The following ANO3 variants were observed in gnomAD, a reference collection of about 807,000 sequenced individuals.
ANO3 encodes anoctamin-3.
In ANO3, 99 loss-of-function variants were observed where a neutral mutation model predicts 144.8. The ratio of observed to expected loss-of-function variants is 0.68; its 90% CI spans 0.58 to 0.81. The LOEUF (loss-of-function observed/expected upper bound fraction) is 0.81. Among genes scored for constraint, ANO3 ranks in the 30% least tolerant of loss-of-function variants. The pLI, the probability that ANO3 is intolerant of heterozygous loss-of-function variation, is 0.00. For synonymous variants in ANO3, 414 were observed against 392.6 expected (o/e 1.05, Z -0.64); for missense variants, 905 against 1,202.2 (o/e 0.75, Z 3.66).
At chr11:26,328,720 G>A (rs1208292262), upstream of ANO3, among the ~76,000 whole-genome samples, 1 of 151,982 alleles carries the variant, frequency 6.6e-6, no homozygotes, top group Non-Finnish European at 1.5e-5. Flanking sequence ...GAAGGGGAAC[G>A]AAACCCTAGG....
chr11:26,354,115 G>T (rs1855717476), intron 1 of ANO3, among the ~76,000 whole-genome samples: 1 of 152,160 alleles, frequency 6.6e-6, no homozygotes, highest in African/African-American at 2.4e-5. Flanking sequence ...TTCAGCAGGT[G>T]ATTAGAGGCT....
intron 18 of ANO3, among the ~76,000 whole-genome samples, chr11:26,630,176 A>G (rs1325409006): frequency 6.6e-6 from 1 of 152,250 alleles, no homozygotes; most frequent in Non-Finnish European, 1.5e-5. Flanking sequence ...GATAATAAAT[A>G]TATCAAGAAT....
Position 26,660,471 on chromosome 11 carries a change from A to C in ANO3, c.*27A>C, listed in dbSNP as rs746619501. 5 of 1,571,138 alleles carry C rather than the reference A, an allele frequency of 3.2e-6. No individual in the cohort carries two copies. Among genetic ancestry groups the C allele is most frequent in the Middle Eastern group, 1.7e-4 (1 of 5,910 alleles). On this transcript the variant is annotated 3_prime_UTR_variant, in exon 27 of 27. Transcript: ENST00000256737. ...TGACACCTGTTACCCATTAGGGGTG[A>C]TAACATTAATGGGAAGAAATGATGG...
intron 1 of ANO3, among the ~76,000 whole-genome samples, chr11:26,201,961 C>A (rs1564914748): frequency 6.6e-6 from 1 of 150,974 alleles, no homozygotes; most frequent in East Asian, 1.9e-4. Flanking sequence ...TGATTTTAGG[C>A]AGAATATTTA....
At chr11:26,227,023 T>TA (rs1324527502) in intron 1 of ANO3, among the ~76,000 whole-genome samples, 1 of 152,190 alleles carries the variant, frequency 6.6e-6, no homozygotes, top group Admixed American at 6.5e-5. Context: ...CTGATGCTTA[T>TA]AAAAGAAACT....
intron 9 of ANO3, among the ~76,000 whole-genome samples, chr11:26,535,140 A>C (rs1373790250): frequency 1.3e-5 from 2 of 152,174 alleles, no homozygotes; most frequent in Non-Finnish European, 2.9e-5. Context: ...GTCTCATGTA[A>C]TTTCATTTCT....
At chr11:26,606,833 C>T (rs1190920190) in intron 17 of ANO3, among the ~76,000 whole-genome samples, 1 of 152,140 alleles carries the variant, frequency 6.6e-6, no homozygotes, top group Non-Finnish European at 1.5e-5. Context: ...GGTTATTTTG[C>T]ACACTAGTTG....
chr11:26,549,141 T>C (rs1466494571), intron 12 of ANO3, among the ~76,000 whole-genome samples: 1 of 152,018 alleles, frequency 6.6e-6, no homozygotes, highest in Non-Finnish European at 1.5e-5. Flanking sequence ...TTGCTGTTTC[T>C]ATTGATTTAT....
intron 1 of ANO3, among the ~76,000 whole-genome samples, chr11:26,403,600 A>C (rs896781951): frequency 2.0e-5 from 3 of 151,810 alleles, no homozygotes; most frequent in African/African-American, 7.3e-5. Flanking sequence ...ACTGTTTTCC[A>C]CATAGTAGCA....
intron 10 of ANO3, among the ~76,000 whole-genome samples, chr11:26,538,948 A>G (rs1849577200): frequency 6.6e-6 from 1 of 152,206 alleles, no homozygotes. Context: ...TTGATTAAGG[A>G]TAGTTCACAA....
intron 1 of ANO3, among the ~76,000 whole-genome samples, chr11:26,192,697 A>T (rs1851501343): frequency 6.6e-6 from 1 of 152,192 alleles, no homozygotes; most frequent in Non-Finnish European, 1.5e-5. Flanking sequence ...AAAGTCACAC[A>T]TATAGTAAGT....
intron 3 of ANO3, among the ~76,000 whole-genome samples, chr11:26,444,044 G>A (rs923365042): frequency 2.0e-5 from 3 of 152,080 alleles, no homozygotes; most frequent in African/African-American, 7.2e-5. Flanking sequence ...ATGAGCAACA[G>A]TCTCATAATA....
intron 17 of ANO3, among the ~76,000 whole-genome samples, chr11:26,610,489 C>T (rs1325951845): frequency 6.6e-6 from 1 of 152,014 alleles, no homozygotes. Flanking sequence ...TTCTCCCATT[C>T]TGTTGTTTCC....
intron 1 of ANO3, among the ~76,000 whole-genome samples, chr11:26,216,760 T>A (rs941833912): frequency 6.6e-6 from 1 of 152,080 alleles, no homozygotes; most frequent in Non-Finnish European, 1.5e-5. Context: ...TCCTGTTGCT[T>A]TGCACTCTGT....
At chr11:26,372,910 T>TA (rs1239087480) in intron 1 of ANO3, among the ~76,000 whole-genome samples, 2 of 152,060 alleles carry the variant, frequency 1.3e-5, no homozygotes, top group Non-Finnish European at 2.9e-5. Context: ...TGTGTGGAAG[T>TA]AAAAGCAGTA....
chr11:26,593,607 A>G (rs150113867), intron 14 of ANO3, among the ~76,000 whole-genome samples: 3,600 of 152,278 alleles, frequency 0.024, 147 homozygotes, highest in African/African-American at 0.083. Flanking sequence ...CTGCTGGATC[A>G]TCTGGTTAGT....
Position 26,365,979 on chromosome 11 carries a change from TATATATATATATA to T in ANO3, c.46+33659_46+33671del, listed in dbSNP as rs1856065025. Among the ~76,000 whole-genome samples, 9 of 25,004 alleles carry T rather than the reference TATATATATATATA, an allele frequency of 3.6e-4. 1 individual carries two copies. Among genetic ancestry groups the T allele is most frequent in the African/African-American group, 1.4e-3 (7 of 4,856 alleles). The allele number at this position is 25,004 out of a possible 152,430, so 16.4% of individuals were successfully genotyped here. On this transcript the variant is annotated intron_variant, in intron 1 of 26. Transcript: ENST00000256737. ...TTATATATATATATATATATATATA[TATATATATATATA>T]TATATATATATTTTAATTATACTTT... is the stretch of plus-strand genomic sequence containing the variant.
intron 23 of ANO3, among the ~76,000 whole-genome samples, 164 bp from the exon 24 acceptor site, chr11:26,647,545 T>C (rs532278635): frequency 3.9e-5 from 6 of 152,346 alleles, no homozygotes; most frequent in Non-Finnish European, 7.4e-5. Context: ...AAAAAGTGTA[T>C]TCGATAGCTA....
intron 1 of ANO3, among the ~76,000 whole-genome samples, chr11:26,353,357 G>A (rs1855695667): frequency 6.6e-6 from 1 of 151,652 alleles, no homozygotes; most frequent in Non-Finnish European, 1.5e-5. Context: ...GTTTTTCAGG[G>A]TCTTATCGTC....
Sources: gnomAD v4.1 joint callset for allele counts (sites outside exome capture counted in the v4.1 genomes callset) on GRCh38, gnomAD v4.1.1 for gene constraint, MANE v1.5 for transcripts, NCBI Gene and HGNC (gene_info 2026-07-23, HGNC 2026-07-21) for gene names.